SLC6A12: variants seen among roughly 807,000 people sequenced by gnomAD.
The protein encoded by SLC6A12 is sodium- and chloride-dependent betaine transporter.
A neutral mutation model predicts 73.3 loss-of-function variants in SLC6A12; 50 were observed. The observed-to-expected ratio is 0.68, with a 90% CI of 0.54 to 0.86. The LOEUF (loss-of-function observed/expected upper bound fraction) is 0.86, where lower values mean the gene tolerates loss of function less well. SLC6A12 is among the 40% of genes least tolerant of loss of function. SLC6A12 has a pLI of 0.00. For synonymous variants in SLC6A12, 304 were observed against 309.2 expected (o/e 0.98, Z 0.18); for missense variants, 648 against 772.8 (o/e 0.84, Z 1.92).
intron 7 of SLC6A12, among the ~76,000 whole-genome samples, chr12:199,924 T>C (rs1345832603): frequency 6.6e-6 from 1 of 152,056 alleles, no homozygotes; most frequent in Non-Finnish European, 1.5e-5. Context: ...AAGTGAGTCA[T>C]AAGAGCGTGT....
intron 3 of SLC6A12, among the ~76,000 whole-genome samples, chr12:205,686 G>A (rs1940597094): frequency 6.6e-6 from 1 of 152,132 alleles, no homozygotes; most frequent in Non-Finnish European, 1.5e-5. Flanking sequence ...GGGAAAGAAA[G>A]GAAAAATCAT....
Position 202,795 on chromosome 12 carries a change from G to C in SLC6A12, c.435C>G (p.Phe145Leu). 1 of 1,614,024 alleles carries C rather than the reference G, an allele frequency of 6.2e-7. No individual in the cohort carries two copies. Residue 145 changes from phenylalanine to leucine, a missense_variant, in exon 5 of 16, where the codon TTC becomes TTG. Phe to Leu is a conservative substitution (Grantham distance 22). Coordinates refer to ENST00000684302, the MANE Select transcript of SLC6A12 (RefSeq NM_001122848.3). ...IILAWALFYL[F>L]SSFTSELPWT... ...AGGGCAGCTCAGAAGTGAAGGAGCT[G>C]AACAGGTAGAAGAGAGCCCAGGCAA...
chr12:200,940 G>A (rs901570531), intron 6 of SLC6A12, among the ~76,000 whole-genome samples, 157 bp from the exon 7 acceptor site: 4 of 152,138 alleles, frequency 2.6e-5, no homozygotes, highest in South Asian at 2.1e-4. Flanking sequence ...CCATGTTCCC[G>A]TAGACCAAAC....
chr12:196,025 T>G lies in SLC6A12; in HGVS notation c.1326+99A>C, dbSNP rs934660934. ...GCAGGGCAGGCGTTCACACCCCTCG[T>G]CAGCAGATAAGAAAAGTGAGGCTCT... On this transcript the variant is annotated intron_variant, in intron 12 of 15. Transcript: ENST00000684302. 7 of 1,177,486 alleles carry G rather than the reference T, an allele frequency of 5.9e-6. No individual in the cohort carries two copies. In the South Asian group the frequency reaches 9.0e-5, roughly 15 times the overall value. The allele number at this position is 1,177,486 out of a possible 1,614,324, so 72.9% of individuals were successfully genotyped here.
At chr12:205,483 C>G (rs1470368369) in intron 3 of SLC6A12, among the ~76,000 whole-genome samples, 1 of 152,222 alleles carries the variant, frequency 6.6e-6, no homozygotes, top group Admixed American at 6.5e-5. Context: ...ATGGGGCAGG[C>G]TCTACTGTTA....
At chr12:208,582 G>C (rs1033742615) in intron 3 of SLC6A12, among the ~76,000 whole-genome samples, 1 of 152,092 alleles carries the variant, frequency 6.6e-6, no homozygotes, top group Non-Finnish European at 1.5e-5. Flanking sequence ...CAAAAAAAAT[G>C]AATCTAACCA....
Position 193,108 on chromosome 12 carries a change from TGGCCCCA to T in SLC6A12, c.1530+162_1530+168del. On this transcript the variant is annotated intron_variant, in intron 14 of 15. Coordinates refer to ENST00000684302, the MANE Select transcript of SLC6A12 (RefSeq NM_001122848.3). ...AGATTCTACTTATGGGTGGATGAGA[TGGCCCCA>T]GAAAGAAGAGCAGGGAAGGCAACAT... 5 of 598,660 alleles carry T rather than the reference TGGCCCCA, an allele frequency of 8.4e-6. No individual in the cohort carries two copies. In the South Asian group the frequency reaches 1.0e-4, roughly 13 times the overall value. The allele number at this position is 598,660 out of a possible 1,614,324, so 37.1% of individuals were successfully genotyped here.
At chr12:206,453 C>G (rs1045843003) in intron 3 of SLC6A12, among the ~76,000 whole-genome samples, 2 of 152,226 alleles carry the variant, frequency 1.3e-5, no homozygotes, top group African/African-American at 4.8e-5. Flanking sequence ...TGTGAACCTA[C>G]CACTTTCTGT....
chr12:200,220 T>G (rs558483450), intron 7 of SLC6A12, among the ~76,000 whole-genome samples: 88 of 149,392 alleles, frequency 5.9e-4, no homozygotes, highest in Admixed American at 1.9e-3. Context: ...GCCATTCTCC[T>G]GCCTCAGCCT....
At chr12:200,255 C>A (rs1019264796) in intron 7 of SLC6A12, among the ~76,000 whole-genome samples, 1 of 150,724 alleles carries the variant, frequency 6.6e-6, no homozygotes, top group African/African-American at 2.5e-5. Context: ...ACTACAGGTG[C>A]CCACCACCAC....
chr12:188,339 C>CGGGCCGGCG (rs929322489), downstream of SLC6A12, among the ~76,000 whole-genome samples: 3 of 152,072 alleles, frequency 2.0e-5, no homozygotes, highest in Non-Finnish European at 4.4e-5. Flanking sequence ...CTCACTGCCC[C>CGGGCCGGCG]GGGCCGGCGG....
downstream of SLC6A12, among the ~76,000 whole-genome samples, chr12:185,805 C>T (rs1939420523): frequency 6.6e-6 from 1 of 152,216 alleles, no homozygotes; most frequent in Non-Finnish European, 1.5e-5. Context: ...GGGCCCAGGG[C>T]ACTGACCCAC....
rs1939561551 is a variant in SLC6A12 at position 190,801 on chromosome 12, C to T, written c.*267G>A. 1 of 304,882 alleles carries T rather than the reference C, an allele frequency of 3.3e-6. No individual in the cohort carries two copies. Among genetic ancestry groups the T allele is most frequent in the Admixed American group, 5.1e-5 (1 of 19,688 alleles). 18.9% of individuals were successfully genotyped at this position (304,882 alleles called of 1,614,324 possible). ...TCAGATGGCGGCCTCCAAAAAGACC[C>T]CCCTTTATAAAAACGATGGTGCCTT... On this transcript the variant is annotated 3_prime_UTR_variant, in exon 16 of 16. Transcript: ENST00000684302.
chr12:210,730 G>A (rs1344967432), intron 2 of SLC6A12: 1 of 152,300 alleles, frequency 6.6e-6, no homozygotes, highest in East Asian at 1.9e-4. Flanking sequence ...TGCCAGAAGG[G>A]ATCACCAGAC....
intron 2 of SLC6A12, 112 bp from the exon 3 acceptor site, chr12:210,155 G>A: frequency 1.5e-6 from 2 of 1,318,626 alleles, no homozygotes; most frequent in Non-Finnish European, 2.0e-6. Flanking sequence ...AGTGCTCCAT[G>A]GCATTTACAC....
At chr12:207,978 A>G (rs1171187013) in intron 3 of SLC6A12, among the ~76,000 whole-genome samples, 25 of 152,192 alleles carry the variant, frequency 1.6e-4, no homozygotes, top group Non-Finnish European at 7.3e-5. Context: ...CCACAGCCAC[A>G]GCAGCAGCCA....
chr12:201,419 C>T (rs1253018875), intron 6 of SLC6A12: 2 of 271,278 alleles, frequency 7.4e-6, no homozygotes, highest in African/African-American at 2.2e-5. Context: ...ATGACACCAC[C>T]GAGCATGGCA....
chr12:208,503 A>C (rs1387361015), intron 3 of SLC6A12, among the ~76,000 whole-genome samples: 1 of 152,228 alleles, frequency 6.6e-6, no homozygotes, highest in Admixed American at 6.5e-5. Flanking sequence ...TACCTTCCTG[A>C]AATGTTTCTA....
chr12:195,276 A>C lies in SLC6A12; in HGVS notation c.1378T>G (p.Cys460Gly). 1.9e-6 allele frequency: 3 copies of C among 1,612,850 alleles called. No individual in the cohort carries two copies. Among genetic ancestry groups the C allele is most frequent in the Non-Finnish European group, 2.5e-6 (3 of 1,179,176 alleles). ...LFDYYASSGI[C>G]LLFLSLFEVV... Reference sequence around the variant, plus strand: ...TCAAACAATGACAGGAACAGCAGGCATATGCCACTGGAAGCATAGTAGTCA... The same window carrying C: ...TCAAACAATGACAGGAACAGCAGGCCTATGCCACTGGAAGCATAGTAGTCA... The change falls in exon 13 of 16, where the codon TGC becomes GGC. Residue 460 changes from cysteine (C) to glycine (G), a missense_variant. Cys to Gly is a radical substitution (Grantham distance 159). Transcript: ENST00000684302.
Sources: allele counts gnomAD v4.1 joint callset (sites outside exome capture counted in the v4.1 genomes callset), GRCh38; gene constraint gnomAD v4.1.1; transcripts MANE v1.5; gene names NCBI Gene and HGNC (gene_info 2026-07-23, HGNC 2026-07-21).